Variants in PDS5A observed in about 807,000 individuals in gnomAD.
PDS5A encodes sister chromatid cohesion protein PDS5 homolog A.
A neutral mutation model predicts 167.1 loss-of-function variants in PDS5A; 42 were observed. That is an observed-to-expected ratio of 0.25 (90% CI 0.20 to 0.33). PDS5A has a LOEUF of 0.33. Among genes scored for constraint, PDS5A ranks in the 10% least tolerant of loss-of-function variants. The probability of loss-of-function intolerance (pLI) is 1.00; values close to 1 mark genes in which losing one functional copy is unlikely to be tolerated. For missense variants in PDS5A, 1,033 were observed against 1,605.9 expected, an observed-to-expected ratio of 0.64 and a Z score of 6.10; for synonymous variants, 553 against 554.6, an observed-to-expected ratio of 1.00 and a Z score of 0.04.
intron 2 of PDS5A, among the ~76,000 whole-genome samples, chr4:39,963,186 T>A (rs1236474116): frequency 3.9e-5 from 6 of 152,036 alleles, no homozygotes; most frequent in Non-Finnish European, 7.4e-5. Context: ...CCAGGCACAG[T>A]GGCTCACAGC....
At chr4:39,902,080 T>C (rs571791577) in intron 13 of PDS5A, among the ~76,000 whole-genome samples, 1 of 152,292 alleles carries the variant, frequency 6.6e-6, no homozygotes, top group South Asian at 2.1e-4. Flanking sequence ...CACCAGTAGT[T>C]TTAGACACTA....
intron 2 of PDS5A, among the ~76,000 whole-genome samples, chr4:39,947,657 A>G (rs1727904906): frequency 6.6e-6 from 1 of 152,238 alleles, no homozygotes; most frequent in Non-Finnish European, 1.5e-5. Flanking sequence ...ATGTTTTAAG[A>G]AAGTTTATGA....
intron 22 of PDS5A, among the ~76,000 whole-genome samples, chr4:39,867,389 AAAC>A (rs1039262573): frequency 1.3e-5 from 2 of 152,028 alleles, no homozygotes; most frequent in Non-Finnish European, 2.9e-5. Context: ...TATACTTTAA[AAAC>A]AACAATTTAA....
At chr4:39,892,485 ACT>A (rs1440041037) in intron 16 of PDS5A, among the ~76,000 whole-genome samples, 1 of 152,122 alleles carries the variant, frequency 6.6e-6, no homozygotes, top group Non-Finnish European at 1.5e-5. Flanking sequence ...ATCCTTTAAG[ACT>A]CAACTTAGGA....
chr4:39,873,527 C>T (rs1720223513), intron 20 of PDS5A, among the ~76,000 whole-genome samples: 1 of 152,044 alleles, frequency 6.6e-6, no homozygotes, highest in Admixed American at 6.5e-5. Flanking sequence ...TAAGAGTTCA[C>T]TGGGTTTTGG....
intron 21 of PDS5A, among the ~76,000 whole-genome samples, chr4:39,870,172 AAAAG>A (rs1357636447): frequency 6.6e-6 from 1 of 152,104 alleles, no homozygotes; most frequent in Admixed American, 6.5e-5. Flanking sequence ...CACAAACAAA[AAAAG>A]AAACTAGATT....
intron 32 of PDS5A, among the ~76,000 whole-genome samples, chr4:39,829,690 G>A (rs538575973): frequency 2.7e-5 from 4 of 148,210 alleles, no homozygotes; most frequent in South Asian, 2.1e-4. Flanking sequence ...GGTGGCTCAC[G>A]CCTGTAATCC....
At chr4:39,917,381 A>G (rs1003941416) in intron 7 of PDS5A, among the ~76,000 whole-genome samples, 193 bp from the exon 8 acceptor site, 2 of 152,182 alleles carry the variant, frequency 1.3e-5, no homozygotes, top group Non-Finnish European at 2.9e-5. Flanking sequence ...ATAATTTCCT[A>G]ATAATATCAA....
intron 22 of PDS5A, among the ~76,000 whole-genome samples, chr4:39,869,166 A>G (rs766498630): frequency 1.4e-4 from 22 of 152,220 alleles, no homozygotes; most frequent in Admixed American, 4.6e-4. Context: ...ATTAACTATT[A>G]GGTTTAATTA....
At chr4:39,869,893 G>A (rs909146663) in intron 21 of PDS5A, among the ~76,000 whole-genome samples, 3 of 152,126 alleles carry the variant, frequency 2.0e-5, no homozygotes, top group Admixed American at 6.6e-5. Context: ...GATCACTTGA[G>A]GTCAGGAGTT....
Position 39,928,108 on chromosome 4 carries a change from C to T in PDS5A, c.195G>A (p.Gln65=), listed in dbSNP as rs190572121. ...CAAGATGCAAGGCTAGTGGGAGATA[C>T]TGCTGTTTTTCATCTTCTGAGTCCT... ...MDQDSEDEKQ[Q]YLPLALHLAS... The change falls in exon 3 of 33, where the codon CAG becomes CAA. Residue 65 remains glutamine (Q), a synonymous_variant. Coordinates refer to ENST00000303538, the MANE Select transcript of PDS5A (RefSeq NM_001100399.2). 3 of 1,613,158 alleles carry T rather than the reference C, an allele frequency of 1.9e-6. No individual in the cohort carries two copies. The East Asian group carries it at 6.7e-5, about 36-fold the overall frequency.
intron 32 of PDS5A, among the ~76,000 whole-genome samples, chr4:39,830,242 TAC>T (rs1715734665): frequency 6.6e-6 from 1 of 152,020 alleles, no homozygotes; most frequent in Admixed American, 6.6e-5. Flanking sequence ...CAGGCTGGAG[TAC>T]AGTGGCACTA....
rs770039436 is a variant in PDS5A at position 39,867,028 on chromosome 4, A to G, written c.2506-31T>C. Reference sequence around the variant, plus strand: ...AAATATTAACATGCTAAAAAAAGAAAGCAACTTAAAATTCCAATTAAAGGG... The same window carrying G: ...AAATATTAACATGCTAAAAAAAGAAGGCAACTTAAAATTCCAATTAAAGGG... On this transcript the variant is annotated intron_variant, in intron 22 of 32. Coordinates refer to ENST00000303538, the MANE Select transcript of PDS5A (RefSeq NM_001100399.2). The G allele has an allele frequency of 1.3e-5, 20 of 1,541,008 alleles. No homozygotes were observed. In the South Asian group the frequency reaches 2.4e-4, roughly 19 times the overall value.
intron 2 of PDS5A, chr4:39,932,755 A>T (rs1228027965): frequency 1.3e-5 from 2 of 152,328 alleles, no homozygotes; most frequent in African/African-American, 4.8e-5. Flanking sequence ...GCTTGAACCT[A>T]GGAGGCGGAG....
In PDS5A at chr4:39,874,376, C is replaced by T. The variant is rs1048134828; in HGVS notation, c.2190G>A (p.Arg730=). The T allele has an allele frequency of 6.8e-6, 11 of 1,612,516 alleles. No individual in the cohort carries two copies. The highest frequency in any genetic ancestry group is 1.3e-5 in the African/African-American group (1 of 74,840). The change falls in exon 20 of 33, where the codon AGG becomes AGA. Residue 730 remains arginine, a synonymous_variant. Coordinates refer to ENST00000303538, the MANE Select transcript of PDS5A (RefSeq NM_001100399.2). ...CCTGTTTTGCTTGGTGTGGAGTACC[C>T]CTCTTTGCTTTTTGATGTAAAATGG... ...LIPILHQKAK[R]GTPHQAKQAV...
chr4:39,891,036 A>AT (rs1007258916), intron 16 of PDS5A, among the ~76,000 whole-genome samples: 101 of 147,252 alleles, frequency 6.9e-4, no homozygotes, highest in East Asian at 6.4e-3. Flanking sequence ...TGTTTCAGTT[A>AT]TTTTTTTTTT....
At position 39,942,703 on chromosome 4, in the gene PDS5A, GGTATGA is replaced by G. The variant is rs1727341684; in HGVS notation, c.139-14545_139-14540del. On this transcript the variant is annotated intron_variant, in intron 2 of 32. Transcript: ENST00000303538. ...GGCCTCCCAATGTGCTAGGACTACA[GGTATGA>G]GTTACTACACCGTCAACTTCCTCTT... 2.0e-5 allele frequency among the ~76,000 whole-genome samples: 3 copies of G among 152,134 alleles called. No homozygotes were observed. The South Asian group carries it at 6.2e-4, about 32-fold the overall frequency.
At chr4:39,906,917 T>TAAAAAAAAAAAAA (rs1191690836) in intron 11 of PDS5A, among the ~76,000 whole-genome samples, 2 of 54,030 alleles carry the variant, frequency 3.7e-5, no homozygotes, top group Admixed American at 2.0e-4. Context: ...ATTTCTTACA[T>TAAAAAAAAAAAAA]AAAAAAAAAA....
intron 22 of PDS5A, among the ~76,000 whole-genome samples, chr4:39,868,082 G>C (rs1719710078): frequency 1.3e-5 from 2 of 152,146 alleles, no homozygotes; most frequent in South Asian, 4.1e-4. Flanking sequence ...CAAAGTGAAA[G>C]ATTATCAAAG....
Sources: gnomAD v4.1 joint callset for allele counts (sites outside exome capture counted in the v4.1 genomes callset) on GRCh38, gnomAD v4.1.1 for gene constraint, MANE v1.5 for transcripts, NCBI Gene and HGNC (gene_info 2026-07-23, HGNC 2026-07-21) for gene names.